Variants in SYT2 observed in about 807,000 individuals in gnomAD.
The protein encoded by SYT2 is synaptotagmin 2.
A neutral mutation model predicts 39.9 loss-of-function variants in SYT2; 15 were observed. The observed-to-expected ratio is 0.38, with a 90% CI of 0.25 to 0.58. The LOEUF is 0.58. Among genes scored for constraint, SYT2 ranks in the 20% least tolerant of loss-of-function variants. SYT2 has a pLI of 0.70. For synonymous variants in SYT2, 181 were observed against 204.5 expected, an observed-to-expected ratio of 0.89 and a Z score of 0.98; for missense variants, 389 against 530.3, an observed-to-expected ratio of 0.73 and a Z score of 2.62.
intron 1 of SYT2, among the ~76,000 whole-genome samples, chr1:202,680,984 C>T (rs1469835300): frequency 6.6e-6 from 1 of 152,176 alleles, no homozygotes; most frequent in Non-Finnish European, 1.5e-5. Flanking sequence ...CTACCTGAAG[C>T]CACCATGATG....
In SYT2 at chr1:202,603,081, T is replaced by C. The variant is rs747330414; in HGVS notation, c.383A>G (p.Glu128Gly). 3 of 1,613,536 alleles carry C rather than the reference T, an allele frequency of 1.9e-6. No individual in the cohort carries two copies. Among genetic ancestry groups the C allele is most frequent in the African/African-American group, 2.7e-5 (2 of 74,722 alleles). The change falls in exon 4 of 9, where the codon GAA becomes GGA. Residue 128 changes from glutamate (E) to glycine (G), a missense_variant. By Grantham distance (98) the Glu-to-Gly change is moderately conservative (BLOSUM62 -2). Transcript: ENST00000367268. The part of the protein sequence containing the change: ...DDAETGLTEG[E>G]GEGEEEKEPE... ...CTCTTTCTCCTCCTCCCCTTCACCT[T>C]CCCCCTCAGTCAGGCCTGTCTCTGC...
chr1:202,691,227 A>G (rs1653809208), intron 1 of SYT2, among the ~76,000 whole-genome samples: 1 of 152,190 alleles, frequency 6.6e-6, no homozygotes, highest in African/African-American at 2.4e-5. Flanking sequence ...CCCACTCAGT[A>G]TACAGAGCCT....
chr1:202,707,987 A>T (rs1654295051), intron 1 of SYT2, among the ~76,000 whole-genome samples: 1 of 152,144 alleles, frequency 6.6e-6, no homozygotes, highest in Non-Finnish European at 1.5e-5. Flanking sequence ...CTCCAGCTGC[A>T]ATGTGAGGGC....
chr1:202,651,387 G>C (rs921809472), intron 1 of SYT2, among the ~76,000 whole-genome samples: 11 of 152,060 alleles, frequency 7.2e-5, no homozygotes, highest in African/African-American at 2.7e-4. Flanking sequence ...GTTCAGCCTG[G>C]GACACGATCA....
chr1:202,620,221 G>T (rs1177286043), intron 1 of SYT2, among the ~76,000 whole-genome samples: 1 of 152,252 alleles, frequency 6.6e-6, no homozygotes, highest in East Asian at 1.9e-4. Context: ...CTTGGCCCCT[G>T]TGACAGTGTC....
At chr1:202,679,950 C>T (rs1222753470) in intron 1 of SYT2, among the ~76,000 whole-genome samples, 1 of 152,216 alleles carries the variant, frequency 6.6e-6, no homozygotes, top group Non-Finnish European at 1.5e-5. Context: ...ATTCATCAAA[C>T]GACCTCTACT....
At chr1:202,704,929 C>CAGGG (rs978261340) in intron 1 of SYT2, among the ~76,000 whole-genome samples, 1 of 152,228 alleles carries the variant, frequency 6.6e-6, no homozygotes, top group Non-Finnish European at 1.5e-5. Context: ...AACCCAACAT[C>CAGGG]AGGGAGGGAG....
At chr1:202,695,635 A>G (rs942643928) in intron 1 of SYT2, among the ~76,000 whole-genome samples, 4 of 152,238 alleles carry the variant, frequency 2.6e-5, no homozygotes, top group African/African-American at 9.6e-5. Context: ...ATGGTCAAAA[A>G]TTCATTTCCA....
chr1:202,631,062 C>T (rs570055434), intron 1 of SYT2, among the ~76,000 whole-genome samples: 6 of 152,188 alleles, frequency 3.9e-5, no homozygotes, highest in African/African-American at 4.8e-5. Context: ...ATATCACAGC[C>T]GAGGAAACTG....
At chr1:202,659,981 G>A (rs1003601187) in intron 1 of SYT2, among the ~76,000 whole-genome samples, 1 of 152,152 alleles carries the variant, frequency 6.6e-6, no homozygotes, top group Admixed American at 6.5e-5. Flanking sequence ...AGCTTGGCAC[G>A]GAGGTCCTTC....
chr1:202,634,874 G>A (rs1200747734), intron 1 of SYT2, among the ~76,000 whole-genome samples: 1 of 152,156 alleles, frequency 6.6e-6, no homozygotes, highest in Non-Finnish European at 1.5e-5. Context: ...GCTAAGGCTG[G>A]GAGGAATGGA....
At chr1:202,600,321 G>A (rs368709290) in intron 7 of SYT2, 36 bp downstream of exon 7, 9 of 1,566,036 alleles carry the variant, frequency 5.7e-6, no homozygotes, top group South Asian at 1.1e-5. Flanking sequence ...TGGCTCGCTG[G>A]TGCCACCCAA....
intron 1 of SYT2, among the ~76,000 whole-genome samples, chr1:202,618,629 T>G (rs908526200): frequency 2.6e-5 from 4 of 152,326 alleles, no homozygotes; most frequent in Admixed American, 1.3e-4. Flanking sequence ...GCAGCTTTTA[T>G]TCCTAAACCC....
intron 1 of SYT2, among the ~76,000 whole-genome samples, chr1:202,670,930 G>A (rs1349052476): frequency 1.3e-5 from 2 of 152,240 alleles, no homozygotes; most frequent in East Asian, 1.9e-4. Context: ...GATTCTAAAT[G>A]TTCACCATCC....
At position 202,660,662 on chromosome 1, in the gene SYT2, T is replaced by C. The variant is rs190601164; in HGVS notation, c.-18+49596A>G. On this transcript the variant is annotated intron_variant, in intron 1 of 8. Transcript: ENST00000367268. ...AACATTTTTAATTTAAAAAATATTT[T>C]TATAGAGATGGGGTCTTGCTATTCT... is the stretch of plus-strand genomic sequence containing the variant. Among the ~76,000 whole-genome samples, 600 of 152,302 alleles carry C rather than the reference T, an allele frequency of 3.9e-3. 1 individual carries two copies. The highest frequency in any genetic ancestry group is 5.4e-3 in the Non-Finnish European group (369 of 68,020).
At chr1:202,600,293 C>T (rs1690452470) in intron 7 of SYT2, 64 bp downstream of exon 7, 3 of 1,390,558 alleles carry the variant, frequency 2.2e-6, no homozygotes, top group African/African-American at 2.8e-5. Flanking sequence ...TGTGCAAACT[C>T]TGGGACTTGG....
intron 1 of SYT2, among the ~76,000 whole-genome samples, chr1:202,693,128 G>C (rs1446982175): frequency 6.6e-6 from 1 of 152,166 alleles, no homozygotes; most frequent in Non-Finnish European, 1.5e-5. Context: ...TCTGTGAGCA[G>C]AGGAGGGCAG....
chr1:202,625,980 C>T (rs1367331901), intron 1 of SYT2, among the ~76,000 whole-genome samples: 1 of 152,186 alleles, frequency 6.6e-6, no homozygotes, highest in African/African-American at 2.4e-5. Flanking sequence ...TGTATGAACA[C>T]CATGTATGAA....
At chr1:202,693,151 T>TCCATGGTG (rs1341200070) in intron 1 of SYT2, among the ~76,000 whole-genome samples, 1 of 152,152 alleles carries the variant, frequency 6.6e-6, no homozygotes, top group Non-Finnish European at 1.5e-5. Flanking sequence ...CTGAGCTCTG[T>TCCATGGTG]CCATGGTGCT....
Sources: gnomAD v4.1 joint callset for allele counts (sites outside exome capture counted in the v4.1 genomes callset) on GRCh38, gnomAD v4.1.1 for gene constraint, MANE v1.5 for transcripts, NCBI Gene and HGNC (gene_info 2026-07-23, HGNC 2026-07-21) for gene names.